SHROOM2: variants seen among roughly 807,000 people sequenced by gnomAD.
SHROOM2 encodes protein Shroom2.
Under a neutral mutation model 75.9 loss-of-function variants are expected in SHROOM2, and 33 were observed. The observed-to-expected ratio is 0.43, with a 90% confidence interval of 0.33 to 0.58. The LOEUF (loss-of-function observed/expected upper bound fraction) is 0.58. Ranked by LOEUF, SHROOM2 falls within the 20% of genes least tolerant of loss-of-function variation. The pLI, the probability that SHROOM2 is intolerant of heterozygous loss-of-function variation, is 0.04. For synonymous variants in SHROOM2, 655 were observed against 663.6 expected, an observed-to-expected ratio of 0.99 and a Z score of 0.20; for missense variants, 1,434 against 1,461.2, an observed-to-expected ratio of 0.98 and a Z score of 0.30.
intron 1 of SHROOM2, among the ~76,000 whole-genome samples, chrX:9,823,814 A>AGT (rs1372226403): frequency 1.1e-5 from 1 of 93,168 alleles, no homozygotes; most frequent in Non-Finnish European, 2.0e-5. Flanking sequence ...GTTGGAATGC[A>AGT]GTGGCGCAAT....
At chrX:9,846,846 TC>T (rs1308550669) in intron 1 of SHROOM2, among the ~76,000 whole-genome samples, 1 of 112,231 alleles carries the variant, frequency 8.9e-6, no homozygotes, top group African/African-American at 3.2e-5. Context: ...GCGTCTGCCT[TC>T]CAGAGAATTC....
intron 1 of SHROOM2, among the ~76,000 whole-genome samples, chrX:9,788,297 TTGTAA>T (rs774428536): frequency 9.0e-6 from 1 of 111,038 alleles, no homozygotes; most frequent in Admixed American, 9.7e-5. Flanking sequence ...TTTTTTCCAC[TTGTAA>T]TTAAATAGTT....
intron 1 of SHROOM2, among the ~76,000 whole-genome samples, chrX:9,791,676 GTTGCTCTTTT>G (rs2060333670): frequency 9.0e-6 from 1 of 111,402 alleles, no homozygotes; most frequent in African/African-American, 3.3e-5. Flanking sequence ...TGGGTTGCCT[GTTGCTCTTTT>G]AGGCCTTTAA....
chrX:9,904,349 A>G (rs749619460), intron 5 of SHROOM2, among the ~76,000 whole-genome samples: 3 of 111,031 alleles, frequency 2.7e-5, no homozygotes, highest in African/African-American at 9.9e-5. Flanking sequence ...GCAATACTCT[A>G]TCTCTACAAA....
intron 1 of SHROOM2, among the ~76,000 whole-genome samples, chrX:9,827,561 T>G (rs1460940864): frequency 3.6e-5 from 4 of 109,815 alleles, no homozygotes; most frequent in African/African-American, 1.3e-4. Flanking sequence ...AGGGAGCACG[T>G]CAACCTTTGG....
chrX:9,824,299 G>A (rs6638965), intron 1 of SHROOM2, among the ~76,000 whole-genome samples: 57,838 of 107,549 alleles, frequency 0.54, 12,432 homozygotes, highest in Middle Eastern at 0.68. Context: ...AAAGCTGGGC[G>A]TGGTGGCAAA....
chrX:9,848,782 T>C (rs1383656088), intron 1 of SHROOM2, among the ~76,000 whole-genome samples: 1 of 111,024 alleles, frequency 9.0e-6, no homozygotes, highest in East Asian at 2.8e-4. Flanking sequence ...CATGCAGGTG[T>C]ATCTGCCAGG....
intron 1 of SHROOM2, among the ~76,000 whole-genome samples, chrX:9,812,205 T>C (rs371215373): frequency 6.3e-5 from 7 of 111,801 alleles, no homozygotes; most frequent in Admixed American, 1.9e-4. Flanking sequence ...GATTCACTTA[T>C]GGGGGCCTGC....
chrX:9,922,181 G>A (rs1205504931), intron 5 of SHROOM2, among the ~76,000 whole-genome samples: 5 of 111,260 alleles, frequency 4.5e-5, no homozygotes, highest in Admixed American at 1.9e-4. Flanking sequence ...AGCTTTCCAA[G>A]TAGCTGGGAC....
rs185632159 is a variant in SHROOM2, at chrX:9,885,673, G to T, written c.318-5304G>T. 2.4e-3 allele frequency among the ~76,000 whole-genome samples: 273 copies of T among 111,589 alleles called. 2 individuals carry two copies. Among genetic ancestry groups the T allele is most frequent in the African/African-American group, 8.6e-3 (263 of 30,684 alleles). On this transcript the variant is annotated intron_variant, in intron 2 of 9. Coordinates refer to ENST00000380913, the MANE Select transcript of SHROOM2 (RefSeq NM_001649.4). ...TTGCTTATTTAAAAAATTATCCCTAGGCCAGGTACAGGGGCTCACGCCTGT... is the reference window on the plus strand; with the variant it reads ...TTGCTTATTTAAAAAATTATCCCTATGCCAGGTACAGGGGCTCACGCCTGT...
rs1397112306 is a variant in SHROOM2 at position 9,949,363 on chromosome X, C to T, written c.*2426C>T. ...CACCACAGCAAATGTGTGTAGATTT[C>T]ATGCTCGACACTTACCACTCACCTA... On this transcript the variant is annotated 3_prime_UTR_variant, in exon 10 of 10. Transcript: ENST00000380913. 6.1e-6 allele frequency: 2 copies of T among 328,763 alleles called. No individual in the cohort carries two copies. The highest frequency in any genetic ancestry group is 1.2e-5 in the Non-Finnish European group (2 of 169,695). 27.1% of individuals were successfully genotyped at this position (328,763 alleles called of 1,213,427 possible). A position where few individuals can be genotyped will look rare whatever the true frequency, so the allele number is the denominator to read the frequency against.
intron 6 of SHROOM2, among the ~76,000 whole-genome samples, chrX:9,935,785 G>A (rs2084697654): frequency 1.8e-5 from 2 of 111,875 alleles, no homozygotes; most frequent in Non-Finnish European, 3.8e-5. Flanking sequence ...GGATACATTT[G>A]TGTAACATCG....
At chrX:9,918,275 A>G (rs182439636) in intron 5 of SHROOM2, among the ~76,000 whole-genome samples, 125 of 112,331 alleles carry the variant, frequency 1.1e-3, no homozygotes, top group Admixed American at 2.8e-3. Context: ...AAGATAATAT[A>G]GAAATTGTCC....
rs1320449945 is a variant in SHROOM2, at chrX:9,898,204, A to G, written c.2805A>G (p.Glu935=). 1 of 1,183,977 alleles carries G rather than the reference A, an allele frequency of 8.4e-7. No homozygotes were observed. The highest frequency in any genetic ancestry group is 2.4e-5 in the Admixed American group (1 of 41,731). The part of the protein sequence containing the change: ...TDHYKQEASV[E]LRRQAGDPGE... ...GCCCTTTGCAGGAAGCTTCTGTCGA[A>G]CTGCGAAGGCAGGCAGGGGACCCCG... is the stretch of plus-strand genomic sequence containing the variant. The change falls in exon 5 of 10, where the codon GAA becomes GAG. Residue 935 remains glutamate (E), a synonymous_variant. Coordinates refer to ENST00000380913, the MANE Select transcript of SHROOM2 (RefSeq NM_001649.4).
At chrX:9,917,313 C>T (rs944465549) in intron 5 of SHROOM2, among the ~76,000 whole-genome samples, 1 of 111,742 alleles carries the variant, frequency 8.9e-6, no homozygotes, top group Non-Finnish European at 1.9e-5. Context: ...TACATTTGCT[C>T]TCACTGTGAT....
chrX:9,936,837 AG>A (rs1443165168), intron 6 of SHROOM2, among the ~76,000 whole-genome samples: 1 of 112,452 alleles, frequency 8.9e-6, no homozygotes, highest in Non-Finnish European at 1.9e-5. Flanking sequence ...GGTATTAAAT[AG>A]TCCTCACAGC....
In SHROOM2 at chrX:9,939,123, C is replaced by T. The variant is rs2084743883; in HGVS notation, c.4140-72C>T. The T allele has an allele frequency of 4.1e-6, 4 of 982,727 alleles. No individual in the cohort carries two copies. In the South Asian group the frequency reaches 8.2e-5, roughly 20 times the overall value. 81.0% of individuals were successfully genotyped at this position (982,727 alleles called of 1,213,427 possible). On this transcript the variant is annotated intron_variant, in intron 7 of 9. Coordinates refer to ENST00000380913, the MANE Select transcript of SHROOM2 (RefSeq NM_001649.4). The stretch of plus-strand genomic sequence containing the variant: ...AGCACCAGTGTTGATTTGTCACAAC[C>T]CAGGGGGTGGGGCAGAGGGGCTGTT...
chrX:9,808,630 G>T (rs1045710208), intron 1 of SHROOM2, among the ~76,000 whole-genome samples: 2 of 110,150 alleles, frequency 1.8e-5, no homozygotes, highest in Non-Finnish European at 3.8e-5. Flanking sequence ...GGGAGGCCAA[G>T]GTGGGTGGAT....
intron 1 of SHROOM2, among the ~76,000 whole-genome samples, chrX:9,826,210 C>T (rs112457840): frequency 1.2e-4 from 13 of 111,980 alleles, no homozygotes; most frequent in African/African-American, 3.9e-4. Context: ...ACTTTCTTCC[C>T]CTTGCCTTGT....
Sources: gnomAD v4.1 joint callset for allele counts (sites outside exome capture counted in the v4.1 genomes callset) on GRCh38, gnomAD v4.1.1 for gene constraint, MANE v1.5 for transcripts, NCBI Gene and HGNC (gene_info 2026-07-23, HGNC 2026-07-21) for gene names.